Variants in TFDP2 observed in about 807,000 individuals in gnomAD.
TFDP2 encodes transcription factor Dp-2, also known as transcription factor Dp-2 (E2F dimerization partner 2).
Under a neutral mutation model 59.3 loss-of-function variants are expected in TFDP2, and 17 were observed. The ratio of observed to expected loss-of-function variants is 0.29; its 90% CI spans 0.20 to 0.43. TFDP2 has a LOEUF of 0.43. TFDP2 is among the 20% of genes least tolerant of loss of function. The pLI, the probability that TFDP2 is intolerant of heterozygous loss-of-function variation, is 1.00. For synonymous variants in TFDP2, 180 were observed against 194.7 expected, an observed-to-expected ratio of 0.92 and a Z score of 0.63; for missense variants, 391 against 528.8, an observed-to-expected ratio of 0.74 and a Z score of 2.56.
At chr3:141,955,277 CAT>C (rs1393019748) in intron 11 of TFDP2, among the ~76,000 whole-genome samples, 1 of 152,202 alleles carries the variant, frequency 6.6e-6, no homozygotes, top group Non-Finnish European at 1.5e-5. Flanking sequence ...ACGAGAGGCA[CAT>C]GTTTCTTCCT....
intron 3 of TFDP2, among the ~76,000 whole-genome samples, chr3:142,012,915 G>T (rs1944835502): frequency 6.6e-6 from 1 of 152,120 alleles, no homozygotes; most frequent in Non-Finnish European, 1.5e-5. Flanking sequence ...GAGGCAGGAG[G>T]ATCACGAGGC....
At chr3:142,071,503 A>G (rs769616889) in intron 3 of TFDP2, among the ~76,000 whole-genome samples, 1 of 152,186 alleles carries the variant, frequency 6.6e-6, no homozygotes, top group Non-Finnish European at 1.5e-5. Flanking sequence ...CTTGAGGGCA[A>G]TAAGGAACTA....
chr3:142,008,683 A>G (rs1341867978), intron 3 of TFDP2, among the ~76,000 whole-genome samples: 2 of 151,886 alleles, frequency 1.3e-5, no homozygotes, highest in Non-Finnish European at 2.9e-5. Context: ...GGTTTCCTAC[A>G]TATACATACA....
chr3:141,963,154 G>A (rs1937545620), intron 10 of TFDP2, among the ~76,000 whole-genome samples: 1 of 151,996 alleles, frequency 6.6e-6, no homozygotes, highest in Admixed American at 6.5e-5. Context: ...TTATGGTACT[G>A]GTCACAGCCT....
chr3:141,966,255 C>G (rs931862962), intron 9 of TFDP2, among the ~76,000 whole-genome samples: 6 of 151,848 alleles, frequency 4.0e-5, no homozygotes, highest in Non-Finnish European at 8.8e-5. Flanking sequence ...TCACTGCAAC[C>G]TCCGCCTCCC....
rs191136959 is a variant in TFDP2 at position 142,038,909 on chromosome 3, C to A, written c.83-33365G>T. Among the ~76,000 whole-genome samples, 3 of 152,270 alleles carry A rather than the reference C, an allele frequency of 2.0e-5. No individual in the cohort carries two copies. In the East Asian group the frequency reaches 5.8e-4, roughly 29 times the overall value. ...ATTATTAACAATGCCGTGATAGGCA[C>A]CCTTTGACTAAATCTTCCCACAGAT... On this transcript the variant is annotated intron_variant, in intron 3 of 12. Coordinates refer to ENST00000489671, the MANE Select transcript of TFDP2 (RefSeq NM_001178139.2).
chr3:142,115,315 CTTTTTTTTT>C (rs906368574), intron 1 of TFDP2, among the ~76,000 whole-genome samples: 1 of 130,976 alleles, frequency 7.6e-6, no homozygotes, highest in Non-Finnish European at 1.6e-5. Context: ...CACGCATTTT[CTTTTTTTTT>C]TTTTTTTTTT....
intron 3 of TFDP2, among the ~76,000 whole-genome samples, chr3:142,074,619 A>G (rs1374644065): frequency 6.6e-6 from 1 of 151,752 alleles, no homozygotes; most frequent in Non-Finnish European, 1.5e-5. Flanking sequence ...TGGGAGGCCG[A>G]GGCAGGTGGA....
intron 3 of TFDP2, among the ~76,000 whole-genome samples, chr3:142,017,981 C>T (rs551601159): frequency 4.2e-5 from 6 of 142,794 alleles, no homozygotes; most frequent in South Asian, 4.3e-4. Flanking sequence ...CTGCTCTTGT[C>T]GTCCAGGCTG....
At chr3:142,146,207 T>C (rs1383057591) in intron 1 of TFDP2, among the ~76,000 whole-genome samples, 1 of 152,114 alleles carries the variant, frequency 6.6e-6, no homozygotes, top group Non-Finnish European at 1.5e-5. Context: ...AATAAAAATA[T>C]AGATACATGT....
chr3:142,033,102 G>A (rs1252138123), intron 3 of TFDP2, among the ~76,000 whole-genome samples: 1 of 152,166 alleles, frequency 6.6e-6, no homozygotes, highest in Non-Finnish European at 1.5e-5. Flanking sequence ...GCCTGAGGCA[G>A]GAGAATCACT....
chr3:142,133,133 G>A (rs892410993), intron 1 of TFDP2, among the ~76,000 whole-genome samples: 1 of 150,208 alleles, frequency 6.7e-6, no homozygotes, highest in South Asian at 2.1e-4. Flanking sequence ...TGTGGCACAG[G>A]TGCATGAATA....
chr3:142,118,084 T>A (rs6806037), intron 1 of TFDP2, among the ~76,000 whole-genome samples: 1 of 151,820 alleles, frequency 6.6e-6, no homozygotes, highest in Admixed American at 6.6e-5. Context: ...GGTGACAGAG[T>A]GAGACCTTGT....
At chr3:141,994,380 A>C (rs1943066282) in intron 5 of TFDP2, 1 of 152,184 alleles carries the variant, frequency 6.6e-6, no homozygotes, top group African/African-American at 2.4e-5. Flanking sequence ...AAAACGTCTA[A>C]GGTAACAAAA....
At chr3:142,139,317 C>T (rs920060991) in intron 1 of TFDP2, among the ~76,000 whole-genome samples, 1 of 152,124 alleles carries the variant, frequency 6.6e-6, no homozygotes, top group Non-Finnish European at 1.5e-5. Context: ...GACTCTTTAT[C>T]CAATTTGCCA....
intron 3 of TFDP2, among the ~76,000 whole-genome samples, chr3:142,074,045 A>C (rs1440713792): frequency 1.3e-5 from 2 of 152,232 alleles, no homozygotes; most frequent in Admixed American, 1.3e-4. Flanking sequence ...AAACTTACCA[A>C]AACTACAGTA....
At chr3:142,111,713 G>C (rs138720805) in intron 1 of TFDP2, among the ~76,000 whole-genome samples, 17 of 152,176 alleles carry the variant, frequency 1.1e-4, no homozygotes, top group African/African-American at 4.1e-4. Context: ...GCAAGGCAAC[G>C]GGCTGCTAAG....
intron 7 of TFDP2, among the ~76,000 whole-genome samples, chr3:141,976,981 C>T (rs1346707005): frequency 6.6e-6 from 1 of 151,020 alleles, no homozygotes; most frequent in East Asian, 1.9e-4. Flanking sequence ...TAAGGCAATC[C>T]TTAGGTCAAA....
At position 142,121,425 on chromosome 3, in the gene TFDP2, A is replaced by G. The variant is rs936703382; in HGVS notation, c.-92-19584T>C. 3.3e-5 allele frequency among the ~76,000 whole-genome samples: 5 copies of G among 152,220 alleles called. No individual in the cohort carries two copies. Among genetic ancestry groups the G allele is most frequent in the Non-Finnish European group, 7.3e-5 (5 of 68,036 alleles). On this transcript the variant is annotated intron_variant, in intron 1 of 12. Transcript: ENST00000489671. This position sits in a 1 kb window ranked among gnomAD's most constrained non-coding sequence, Gnocchi z 4.3. ...AAGGAACAGCTTCTAATTCAGCTAAAGGGTGGGAATCAGGTTCTAACTCGA... is the reference window on the plus strand; with the variant it reads ...AAGGAACAGCTTCTAATTCAGCTAAGGGGTGGGAATCAGGTTCTAACTCGA...
Sources: allele counts gnomAD v4.1 joint callset (sites outside exome capture counted in the v4.1 genomes callset), GRCh38; gene constraint gnomAD v4.1.1; non-coding constraint Gnocchi (gnomAD v3.1); transcripts MANE v1.5; gene names NCBI Gene and HGNC (gene_info 2026-07-23, HGNC 2026-07-21).